The following PTPRE variants were observed in gnomAD, a reference collection of about 807,000 sequenced individuals.
The protein encoded by PTPRE is receptor-type tyrosine-protein phosphatase epsilon.
Under a neutral mutation model 102.0 loss-of-function variants are expected in PTPRE, and 51 were observed. That is an observed-to-expected ratio of 0.50 (90% CI 0.40 to 0.63). PTPRE has a LOEUF of 0.63. Ranked by LOEUF, PTPRE falls within the 30% of genes least tolerant of loss-of-function variation. PTPRE has a pLI of 0.00. For missense variants in PTPRE, 752 were observed against 915.1 expected (o/e 0.82, Z 2.30); for synonymous variants, 345 against 348.2 (o/e 0.99, Z 0.10).
chr10:127,988,464 C>T (rs1852312672), intron 2 of PTPRE, among the ~76,000 whole-genome samples: 1 of 152,100 alleles, frequency 6.6e-6, no homozygotes, highest in Non-Finnish European at 1.5e-5. Flanking sequence ...TGTCACCATG[C>T]CCAGCTAATT....
chr10:128,032,082 C>A (rs1435835747), intron 2 of PTPRE, among the ~76,000 whole-genome samples: 1 of 152,182 alleles, frequency 6.6e-6, no homozygotes, highest in African/African-American at 2.4e-5. Flanking sequence ...GTGGCGCAAT[C>A]TCGGCTCACT....
At chr10:127,917,426 A>G (rs574934799) in intron 1 of PTPRE, among the ~76,000 whole-genome samples, 21 of 152,260 alleles carry the variant, frequency 1.4e-4, no homozygotes, top group African/African-American at 4.8e-4. Flanking sequence ...TCATGCCTGT[A>G]ATCCCAACAC....
At chr10:127,975,084 T>C (rs1851046707) in intron 1 of PTPRE, among the ~76,000 whole-genome samples, 1 of 152,180 alleles carries the variant, frequency 6.6e-6, no homozygotes, top group Non-Finnish European at 1.5e-5. Context: ...AGAGTAGGAC[T>C]TGACCTACTG....
chr10:127,947,489 G>A (rs74503409), intron 1 of PTPRE, among the ~76,000 whole-genome samples: 2 of 152,162 alleles, frequency 1.3e-5, no homozygotes, highest in South Asian at 2.1e-4. Flanking sequence ...TGTCCCATGG[G>A]TTTACATTTT....
At chr10:128,021,437 G>A (rs373036415) in intron 2 of PTPRE, among the ~76,000 whole-genome samples, 45 of 152,326 alleles carry the variant, frequency 3.0e-4, no homozygotes, top group African/African-American at 9.9e-4. Context: ...TGAGCCAGGT[G>A]GGATTTAATG....
rs369883951 is a variant in PTPRE at position 128,047,340 on chromosome 10, C to T, written c.110-50C>T. 4.8e-5 allele frequency: 76 copies of T among 1,588,220 alleles called. 1 individual carries two copies. The African/African-American group carries it at 9.3e-4, about 19-fold the overall frequency. On this transcript the variant is annotated intron_variant, in intron 3 of 20. Transcript: ENST00000254667. ...GGGCTTATGGAGGGAGACTCTTTTG[C>T]AAACTGTGAAGTGAGGTCAGGGGTT...
At chr10:127,927,190 C>A (rs1432399850) in intron 1 of PTPRE, among the ~76,000 whole-genome samples, 1 of 143,070 alleles carries the variant, frequency 7.0e-6, no homozygotes, top group Admixed American at 6.9e-5. Context: ...ATGCCCCCCA[C>A]CCCCCCGGGG....
intron 2 of PTPRE, among the ~76,000 whole-genome samples, chr10:128,018,476 G>C (rs1483491718): frequency 6.6e-6 from 1 of 152,162 alleles, no homozygotes; most frequent in Non-Finnish European, 1.5e-5. Flanking sequence ...AGGTCTTACT[G>C]ACCCAGCCAA....
intron 17 of PTPRE, among the ~76,000 whole-genome samples, chr10:128,076,150 G>A (rs1159439799): frequency 2.0e-5 from 3 of 152,188 alleles, no homozygotes; most frequent in Non-Finnish European, 4.4e-5. Context: ...TCTTCCAAGA[G>A]TTTCACAGTT....
At chr10:127,994,046 C>T (rs1444111065) in intron 2 of PTPRE, among the ~76,000 whole-genome samples, 1 of 152,190 alleles carries the variant, frequency 6.6e-6, no homozygotes, top group East Asian at 1.9e-4. Context: ...AGTTCCCTCA[C>T]AAAACACAAG....
intron 1 of PTPRE, among the ~76,000 whole-genome samples, chr10:127,931,857 C>A (rs529199937): frequency 1.0e-3 from 153 of 152,292 alleles, no homozygotes; most frequent in African/African-American, 3.6e-3. Flanking sequence ...CTGCCTTAAT[C>A]TCCATTTTTT....
intron 2 of PTPRE, among the ~76,000 whole-genome samples, chr10:127,989,255 A>G (rs755866467): frequency 2.4e-4 from 36 of 152,194 alleles, no homozygotes; most frequent in Non-Finnish European, 4.1e-4. Context: ...CTGAGAAATG[A>G]ATTTTTTTAA....
At chr10:127,932,826 G>C (rs940106789) in intron 1 of PTPRE, among the ~76,000 whole-genome samples, 14 of 152,324 alleles carry the variant, frequency 9.2e-5, no homozygotes, top group African/African-American at 2.9e-4. Flanking sequence ...CAGAGGCTCA[G>C]GATGAATTCA....
rs764933958 is a variant in PTPRE, at chr10:128,070,910, C to T, written c.1387+9C>T. On this transcript the variant is annotated intron_variant, in intron 15 of 20. Coordinates refer to ENST00000254667, the MANE Select transcript of PTPRE (RefSeq NM_006504.6). The surrounding 1 kb of genome is among the most constrained non-coding windows in gnomAD (Gnocchi z 4.8). ...CATCCAGATCATCCCGTGTAAGGCA[C>T]CCGTGGCGTGGCTTGGGCAGGGCTG... 10 of 1,611,982 alleles carry T rather than the reference C, an allele frequency of 6.2e-6. No individual in the cohort carries two copies. The South Asian group carries it at 1.1e-4, about 18-fold the overall frequency.
At chr10:128,054,636 C>A (rs772542964) in intron 6 of PTPRE, among the ~76,000 whole-genome samples, 1 of 151,628 alleles carries the variant, frequency 6.6e-6, no homozygotes, top group Non-Finnish European at 1.5e-5. Flanking sequence ...CAACCTGTGG[C>A]CATGGGGTTT....
At position 128,077,597 on chromosome 10, in the gene PTPRE, A is replaced by AC; in HGVS notation, c.1726-15dup. The AC allele has an allele frequency of 6.3e-7, 1 of 1,588,118 alleles. No individual in the cohort carries two copies. Among genetic ancestry groups the AC allele is most frequent in the South Asian group, 1.1e-5 (1 of 89,740 alleles). On this transcript the variant is annotated intron_variant, in intron 18 of 20. Coordinates refer to ENST00000254667, the MANE Select transcript of PTPRE (RefSeq NM_006504.6). ...TCCCCGGCAGGCAGGCGACGCTGAG[A>AC]CCCCCTCTCCTCCCTGCAGCCCCAG...
intron 19 of PTPRE, among the ~76,000 whole-genome samples, chr10:128,078,966 G>A (rs562500438): frequency 5.9e-5 from 9 of 152,304 alleles, no homozygotes; most frequent in African/African-American, 2.2e-4. Flanking sequence ...GCTCTCCTAC[G>A]AGGGCCTGGG....
chr10:127,972,733 G>T (rs1340139187), intron 1 of PTPRE, among the ~76,000 whole-genome samples: 8 of 152,216 alleles, frequency 5.3e-5, no homozygotes, highest in Admixed American at 2.6e-4. Context: ...CAGGGATCTG[G>T]CTGGAGAGCA....
intron 2 of PTPRE, among the ~76,000 whole-genome samples, chr10:128,033,089 A>C (rs1846909372): frequency 6.6e-6 from 1 of 152,250 alleles, no homozygotes; most frequent in Admixed American, 6.5e-5. Context: ...CCAGGAAGAA[A>C]TAAAAAGCTA....
Sources: allele counts gnomAD v4.1 joint callset (sites outside exome capture counted in the v4.1 genomes callset), GRCh38; gene constraint gnomAD v4.1.1; non-coding constraint Gnocchi (gnomAD v3.1); transcripts MANE v1.5; gene names NCBI Gene and HGNC (gene_info 2026-07-23, HGNC 2026-07-21).